Variants in JAKMIP3 observed in about 807,000 individuals in gnomAD.
JAKMIP3 encodes Janus kinase and microtubule interacting protein 3.
JAKMIP3 carries 58 observed loss-of-function variants against 118.5 expected under a neutral mutation model. The ratio of observed to expected loss-of-function variants is 0.49; its 90% CI spans 0.40 to 0.61. The LOEUF (loss-of-function observed/expected upper bound fraction) is 0.61, where lower values mean the gene tolerates loss of function less well. Ranked by LOEUF, JAKMIP3 falls within the 20% of genes least tolerant of loss-of-function variation. The pLI is 0.00. For missense variants in JAKMIP3, 950 were observed against 1,109.0 expected, an observed-to-expected ratio of 0.86 and a Z score of 2.04; for synonymous variants, 486 against 451.2, an observed-to-expected ratio of 1.08 and a Z score of -0.98.
chr10:132,127,801 G>A (rs983499135), intron 3 of JAKMIP3, among the ~76,000 whole-genome samples: 14 of 151,938 alleles, frequency 9.2e-5, no homozygotes, highest in African/African-American at 2.9e-4. Context: ...TATTCCATTA[G>A]TAGTTACAGA....
chr10:132,146,974 G>A (rs149658900), intron 13 of JAKMIP3, among the ~76,000 whole-genome samples: 16 of 152,296 alleles, frequency 1.1e-4, no homozygotes, highest in East Asian at 3.9e-4. Flanking sequence ...ACGCACACAC[G>A]TAAATGCTGG....
intron 23 of JAKMIP3, among the ~76,000 whole-genome samples, chr10:132,171,236 C>T (rs1227228178): frequency 6.6e-6 from 1 of 152,194 alleles, no homozygotes; most frequent in East Asian, 1.9e-4. Flanking sequence ...CGCGTCTGCT[C>T]CGAGTGTGCA....
At chr10:132,074,217 A>G (rs2040429164) in intron 1 of JAKMIP3, among the ~76,000 whole-genome samples, 1 of 151,960 alleles carries the variant, frequency 6.6e-6, no homozygotes, top group South Asian at 2.1e-4. Context: ...ATGCCCAGCT[A>G]ATTTTTATAT....
At chr10:132,090,251 T>A (rs929015124) in intron 1 of JAKMIP3, among the ~76,000 whole-genome samples, 2 of 152,244 alleles carry the variant, frequency 1.3e-5, no homozygotes, top group African/African-American at 4.8e-5. Flanking sequence ...GATTCCCTCT[T>A]TTTCTGTTGA....
At chr10:132,081,112 G>T (rs1424336724) in intron 1 of JAKMIP3, among the ~76,000 whole-genome samples, 1 of 152,030 alleles carries the variant, frequency 6.6e-6, no homozygotes, top group African/African-American at 2.4e-5. Context: ...TCCATTTTAG[G>T]TTAACTTTTG....
At chr10:132,115,308 G>C (rs1174244657) in intron 2 of JAKMIP3, among the ~76,000 whole-genome samples, 1 of 152,176 alleles carries the variant, frequency 6.6e-6, no homozygotes, top group African/African-American at 2.4e-5. Context: ...CACTGATCAT[G>C]GTTGGGGTCA....
At chr10:132,149,334 T>C (rs1410287567) in intron 14 of JAKMIP3, 78 bp from the exon 15 acceptor site, 41 of 941,332 alleles carry the variant, frequency 4.4e-5, no homozygotes, top group Non-Finnish European at 4.5e-5. Context: ...TGGCCCGTGT[T>C]CCTCAGGCCC....
At chr10:132,135,370 A>G (rs1589902112) in intron 5 of JAKMIP3, among the ~76,000 whole-genome samples, 1 of 152,076 alleles carries the variant, frequency 6.6e-6, no homozygotes, top group Admixed American at 6.5e-5. Context: ...TGGTTGACTA[A>G]CCCCTGCTCT....
At chr10:132,077,144 C>CT (rs2040950783) in intron 1 of JAKMIP3, among the ~76,000 whole-genome samples, 2 of 152,234 alleles carry the variant, frequency 1.3e-5, no homozygotes, top group Non-Finnish European at 2.9e-5. Context: ...CCTCTCCTTG[C>CT]TCGTGAGCAA....
At chr10:132,080,520 TTTTTTTTTTTTTTTTTTTTA>T (rs1046158359) in intron 1 of JAKMIP3, among the ~76,000 whole-genome samples, 13 of 92,730 alleles carry the variant, frequency 1.4e-4, no homozygotes, top group Non-Finnish European at 2.6e-4. Flanking sequence ...TTTTTTTTTT[TTTTTTTTTTTTTTTTTTTTA>T]AGATGGAGTC....
At chr10:132,171,993 TAACTC>T (rs1053328468) in intron 23 of JAKMIP3, among the ~76,000 whole-genome samples, 5 of 152,236 alleles carry the variant, frequency 3.3e-5, no homozygotes, top group African/African-American at 4.8e-5. Flanking sequence ...TTTCAAAACT[TAACTC>T]AGCCACACCC....
intron 1 of JAKMIP3, among the ~76,000 whole-genome samples, chr10:132,055,402 A>G (rs1356767581): frequency 6.6e-6 from 1 of 152,200 alleles, no homozygotes; most frequent in Non-Finnish European, 1.5e-5. Context: ...TTGGTCTCGA[A>G]AACAGTGGCT....
At chr10:132,154,018 C>G in intron 19 of JAKMIP3, 28 bp downstream of exon 19, 1 of 1,607,306 alleles carries the variant, frequency 6.2e-7, no homozygotes, top group Non-Finnish European at 8.5e-7. Flanking sequence ...GCTGGAACCC[C>G]GGGGAGGGGC....
chr10:132,117,640 G>GGCGGGCGTGGGCGAGGGT lies in JAKMIP3; in HGVS notation c.633+69_633+86dup, dbSNP rs1173015512. The GGCGGGCGTGGGCGAGGGT allele has an allele frequency of 2.5e-6, 2 of 807,790 alleles. No individual in the cohort carries two copies. The highest frequency in any genetic ancestry group is 3.1e-6 in the Non-Finnish European group (2 of 638,220). The allele number at this position is 807,790 out of a possible 1,614,324, so 50.0% of individuals were successfully genotyped here. On this transcript the variant is annotated intron_variant, in intron 3 of 23. Coordinates refer to ENST00000684848, the MANE Select transcript of JAKMIP3 (RefSeq NM_001323087.2). This position sits in a 1 kb window ranked among gnomAD's most constrained non-coding sequence, Gnocchi z 8.6. The stretch of plus-strand genomic sequence containing the variant: ...GGGCGGGCGTGGGCGAGGGTGCAGG[G>GGCGGGCGTGGGCGAGGGT]GCGGGCGTGGGCGAGGGTGCAGGCG...
intron 3 of JAKMIP3, among the ~76,000 whole-genome samples, chr10:132,121,437 C>T (rs890848286): frequency 2.0e-5 from 3 of 152,204 alleles, no homozygotes; most frequent in African/African-American, 4.8e-5. Context: ...GGCCATAGCA[C>T]GGGCCGGCAC....
chr10:132,180,742 C>CGCGT lies in JAKMIP3; in HGVS notation c.*1104-1614_*1104-1613insCGTG, dbSNP rs1412152341. ...GTGCGTGTGTGTGCGTGTGTGCGTG[C>CGCGT]GTGCGCGCGCGTGTGTGCGTGTGTG... On this transcript the variant is annotated intron_variant, in intron 23 of 23. Coordinates refer to ENST00000684848, the MANE Select transcript of JAKMIP3 (RefSeq NM_001323087.2). Among the ~76,000 whole-genome samples, 4 of 8,716 alleles carry CGCGT rather than the reference C, an allele frequency of 4.6e-4. 1 individual carries two copies. The highest frequency in any genetic ancestry group is 1.7e-3 in the African/African-American group (3 of 1,726). The allele number at this position is 8,716 out of a possible 152,430, so 5.7% of individuals were successfully genotyped here.
intron 1 of JAKMIP3, among the ~76,000 whole-genome samples, chr10:132,057,990 T>TGGAAGGGGCCAGATCCTCGGCCC (rs2038289801): frequency 6.6e-6 from 1 of 152,198 alleles, no homozygotes; most frequent in Admixed American, 6.5e-5. Flanking sequence ...ATCCTGGGGC[T>TGGAAGGGGCCAGATCCTCGGCCC]GGACGGGGCC....
At chr10:132,171,590 TAG>T (rs747287632) in intron 23 of JAKMIP3, among the ~76,000 whole-genome samples, 12 of 152,122 alleles carry the variant, frequency 7.9e-5, no homozygotes, top group African/African-American at 2.7e-4. Context: ...ACAAATTGTG[TAG>T]AGAGTCCTGT....
At chr10:132,065,318 G>C (rs2038629784), upstream of JAKMIP3, among the ~76,000 whole-genome samples, 1 of 152,122 alleles carries the variant, frequency 6.6e-6, no homozygotes, top group Non-Finnish European at 1.5e-5. This position sits in a 1 kb window ranked among gnomAD's most constrained non-coding sequence, Gnocchi z 5.6. Context: ...CCTTCACACA[G>C]GAATGCTGCT....
Sources: allele counts gnomAD v4.1 joint callset (sites outside exome capture counted in the v4.1 genomes callset), GRCh38; gene constraint gnomAD v4.1.1; non-coding constraint Gnocchi (gnomAD v3.1); transcripts MANE v1.5; gene names NCBI Gene and HGNC (gene_info 2026-07-23, HGNC 2026-07-21).